OCA2: variants seen among roughly 807,000 people sequenced by gnomAD.
OCA2 encodes P protein.
Under a neutral mutation model 100.2 loss-of-function variants are expected in OCA2, and 77 were observed. The ratio of observed to expected loss-of-function variants is 0.77; its 90% CI spans 0.64 to 0.93. OCA2 has a LOEUF of 0.93. OCA2 is among the 40% of genes least tolerant of loss of function. The probability of loss-of-function intolerance (pLI) is 0.00; values close to 1 mark genes in which losing one functional copy is unlikely to be tolerated. For missense variants in OCA2, 1,062 were observed against 1,089.1 expected, an observed-to-expected ratio of 0.98 and a Z score of 0.35; for synonymous variants, 432 against 439.2, an observed-to-expected ratio of 0.98 and a Z score of 0.21.
chr15:27,922,680 G>GGTGTGTGTGTGTGTGTGTGTGT (rs60426286), intron 19 of OCA2, among the ~76,000 whole-genome samples: 1 of 147,114 alleles, frequency 6.8e-6, no homozygotes, highest in African/African-American at 2.5e-5. Context: ...TTTTGTTTGG[G>GGTGTGTGTGTGTGTGTGTGTGT]GTGTGTGTGT....
At chr15:28,069,439 T>C (rs1376324009) in intron 2 of OCA2, among the ~76,000 whole-genome samples, 8 of 64,710 alleles carry the variant, frequency 1.2e-4, no homozygotes, top group East Asian at 5.3e-4. Context: ...CCTCCCCCTC[T>C]CCCCGGTCTC....
chr15:27,901,487 G>C (rs1182013382), intron 19 of OCA2, among the ~76,000 whole-genome samples: 1 of 152,134 alleles, frequency 6.6e-6, no homozygotes, highest in African/African-American at 2.4e-5. Context: ...TTGCCCCTCA[G>C]GCCCATGAGG....
intron 19 of OCA2, among the ~76,000 whole-genome samples, chr15:27,905,515 C>T (rs947407766): frequency 6.6e-6 from 1 of 152,142 alleles, no homozygotes; most frequent in East Asian, 1.9e-4. Flanking sequence ...GGGAACTGGG[C>T]CCTGGGAGGT....
At chr15:27,835,560 G>A (rs187093236) in intron 23 of OCA2, among the ~76,000 whole-genome samples, 5 of 152,332 alleles carry the variant, frequency 3.3e-5, no homozygotes, top group East Asian at 3.9e-4. Flanking sequence ...AGAGTTAGGC[G>A]TGAAATCGTC....
At chr15:27,981,839 C>G (rs1442882066) in intron 14 of OCA2, among the ~76,000 whole-genome samples, 2 of 152,158 alleles carry the variant, frequency 1.3e-5, no homozygotes, top group African/African-American at 4.8e-5. Context: ...GCCCTGGTCT[C>G]CCCAGACTTT....
intron 19 of OCA2, among the ~76,000 whole-genome samples, chr15:27,890,901 C>T (rs2037431079): frequency 6.6e-6 from 1 of 151,962 alleles, no homozygotes; most frequent in Non-Finnish European, 1.5e-5. Context: ...TGGTGTGCAC[C>T]TGTAGTCCCA....
At chr15:27,901,541 C>G (rs2037932150) in intron 19 of OCA2, among the ~76,000 whole-genome samples, 1 of 152,208 alleles carries the variant, frequency 6.6e-6, no homozygotes, top group Non-Finnish European at 1.5e-5. Context: ...CCATTCTTTC[C>G]CCAAACCTGA....
chr15:27,847,949 T>C (rs1176186213), intron 22 of OCA2, among the ~76,000 whole-genome samples: 1 of 152,194 alleles, frequency 6.6e-6, no homozygotes, highest in Non-Finnish European at 1.5e-5. Flanking sequence ...ACCTGTGCGC[T>C]CTGCCACCTG....
intron 2 of OCA2, among the ~76,000 whole-genome samples, chr15:28,081,349 G>A (rs1304965001): frequency 1.3e-5 from 2 of 152,086 alleles, no homozygotes; most frequent in South Asian, 4.2e-4. Context: ...TGCCCTCAGA[G>A]ACATACGCTT....
At chr15:28,017,285 G>C (rs1322832460) in intron 7 of OCA2, among the ~76,000 whole-genome samples, 1 of 152,124 alleles carries the variant, frequency 6.6e-6, no homozygotes, top group Non-Finnish European at 1.5e-5. Context: ...GGCTGGATTT[G>C]CCTGTGGGCA....
rs2040267576 is a variant in OCA2 at position 27,957,605 on chromosome 15, C to T, written c.1767G>A (p.Arg589=). 1 of 1,612,678 alleles carries T rather than the reference C, an allele frequency of 6.2e-7. No homozygotes were observed. The highest frequency in any genetic ancestry group is 8.5e-7 in the Non-Finnish European group (1 of 1,179,890). Residue 589 remains arginine (R), a synonymous_variant, in exon 16 of 24, where the codon AGG becomes AGA. Coordinates refer to ENST00000354638, the MANE Select transcript of OCA2 (RefSeq NM_000275.3). The surrounding 1 kb of genome is among the most constrained non-coding windows in gnomAD (Gnocchi z 4.3). The part of the protein sequence containing the change: ...VLALEHLLAR[R]LHTFHRQISQ... ...CCCGGTACCTGTGGAAGGTGTGCAG[C>T]CTCCGGGCGAGCAGGTGCTCCAGTG...
intron 18 of OCA2, among the ~76,000 whole-genome samples, chr15:27,936,598 G>GT (rs2039461017): frequency 6.6e-6 from 1 of 152,168 alleles, no homozygotes; most frequent in African/African-American, 2.4e-5. Flanking sequence ...AGGCCTGTGT[G>GT]TATTACCTGA....
intron 2 of OCA2, among the ~76,000 whole-genome samples, chr15:28,032,802 A>C (rs1204221583): frequency 3.3e-5 from 5 of 151,866 alleles, no homozygotes; most frequent in Non-Finnish European, 7.4e-5. Context: ...CAAAAAAAAA[A>C]AAAAAAACAA....
At chr15:28,022,370 G>C in intron 6 of OCA2, 131 bp downstream of exon 6, 1 of 679,380 alleles carries the variant, frequency 1.5e-6, no homozygotes, top group Admixed American at 2.1e-5. Flanking sequence ...CAGACATCCT[G>C]GAGAAACAAA....
At chr15:27,804,740 G>C (rs896941742) in intron 23 of OCA2, among the ~76,000 whole-genome samples, 13 of 152,128 alleles carry the variant, frequency 8.5e-5, no homozygotes, top group Non-Finnish European at 1.6e-4. Context: ...GGGCTGGGGC[G>C]CCCCTCCTCC....
intron 23 of OCA2, among the ~76,000 whole-genome samples, chr15:27,841,667 A>G (rs548192803): frequency 4.8e-4 from 73 of 152,376 alleles, no homozygotes; most frequent in African/African-American, 1.6e-3. Flanking sequence ...TATATATCAG[A>G]ACTGATTTCT....
chr15:27,985,298 C>T, intron 12 of OCA2, 110 bp from the exon 13 acceptor site: 1 of 1,339,594 alleles, frequency 7.5e-7, no homozygotes, highest in African/African-American at 1.4e-5. Context: ...AACATTACCC[C>T]ATGGGTTAAG....
chr15:27,834,438 G>T (rs2035073361), intron 23 of OCA2, among the ~76,000 whole-genome samples: 2 of 152,178 alleles, frequency 1.3e-5, no homozygotes, highest in African/African-American at 4.8e-5. Context: ...AGTAGTAAAG[G>T]TAGGTAACAT....
At chr15:27,929,612 A>T (rs1340528667) in intron 18 of OCA2, among the ~76,000 whole-genome samples, 1 of 152,144 alleles carries the variant, frequency 6.6e-6, no homozygotes, top group African/African-American at 2.4e-5. Context: ...AACATAATAT[A>T]TGAAAAGAAA....
Sources: allele counts gnomAD v4.1 joint callset (sites outside exome capture counted in the v4.1 genomes callset), GRCh38; gene constraint gnomAD v4.1.1; non-coding constraint Gnocchi (gnomAD v3.1); transcripts MANE v1.5; gene names NCBI Gene and HGNC (gene_info 2026-07-23, HGNC 2026-07-21).